MACROD2: variants seen among roughly 807,000 people sequenced by gnomAD.
The protein encoded by MACROD2 is mono-ADP ribosylhydrolase 2.
A neutral mutation model predicts 70.4 loss-of-function variants in MACROD2; 36 were observed. The ratio of observed to expected loss-of-function variants is 0.51; its 90% CI spans 0.39 to 0.68. The LOEUF is 0.68. Among genes scored for constraint, MACROD2 ranks in the 30% least tolerant of loss-of-function variants. The probability of loss-of-function intolerance (pLI) is 0.00; values close to 1 mark genes in which losing one functional copy is unlikely to be tolerated. For missense variants in MACROD2, 496 were observed against 538.4 expected (o/e 0.92, Z 0.78); for synonymous variants, 172 against 178.8 (o/e 0.96, Z 0.30).
In MACROD2 at chr20:14,749,892, G is replaced by A. The variant is rs971988414; in HGVS notation, c.418+64933G>A. 3.3e-5 allele frequency among the ~76,000 whole-genome samples: 5 copies of A among 152,044 alleles called. No homozygotes were observed. In the South Asian group the frequency reaches 1.0e-3, roughly 31 times the overall value. ...GTGATCAAATTCATGGAAACAGAAGGTAGAATGGTAATTACCAGGGGCTAG... is the reference window on the plus strand; with the variant it reads ...GTGATCAAATTCATGGAAACAGAAGATAGAATGGTAATTACCAGGGGCTAG... On this transcript the variant is annotated intron_variant, in intron 5 of 17. Transcript: ENST00000684519.
chr20:14,275,089 C>T (rs1281700382), intron 3 of MACROD2, among the ~76,000 whole-genome samples: 1 of 152,172 alleles, frequency 6.6e-6, no homozygotes, highest in Non-Finnish European at 1.5e-5. Flanking sequence ...CCATCCCCAT[C>T]AAGCTACCAA....
intron 8 of MACROD2, among the ~76,000 whole-genome samples, chr20:15,557,810 T>A (rs527706610): frequency 1.3e-5 from 2 of 152,300 alleles, no homozygotes; most frequent in East Asian, 3.9e-4. Flanking sequence ...TATTTGTTTG[T>A]CTTACTGAAC....
At chr20:14,380,411 T>A (rs994514613) in intron 3 of MACROD2, among the ~76,000 whole-genome samples, 16 of 152,112 alleles carry the variant, frequency 1.1e-4, no homozygotes, top group Admixed American at 1.0e-3. Context: ...AGTTTTTAAT[T>A]TTGATGATAT....
At chr20:15,857,667 C>A (rs546510550) in intron 8 of MACROD2, among the ~76,000 whole-genome samples, 5 of 152,274 alleles carry the variant, frequency 3.3e-5, no homozygotes, top group Admixed American at 6.5e-5. Context: ...TTCTCTGTGG[C>A]CAGCCCTAAC....
At chr20:14,485,508 T>C (rs376806910) in intron 3 of MACROD2, among the ~76,000 whole-genome samples, 144 of 152,142 alleles carry the variant, frequency 9.5e-4, no homozygotes, top group African/African-American at 2.4e-3. Flanking sequence ...AGGATCATCC[T>C]GGCTAACACG....
At chr20:16,021,050 T>C (rs1465366005) in intron 15 of MACROD2, among the ~76,000 whole-genome samples, 1 of 152,192 alleles carries the variant, frequency 6.6e-6, no homozygotes, top group Non-Finnish European at 1.5e-5. Context: ...ATCAGTCCCC[T>C]GTTCCTGTCA....
intron 3 of MACROD2, among the ~76,000 whole-genome samples, chr20:14,130,713 G>A (rs1422547193): frequency 6.6e-6 from 1 of 151,962 alleles, no homozygotes; most frequent in African/African-American, 2.4e-5. Context: ...GGGAAAAGAA[G>A]GCTTCACAGT....
chr20:14,846,250 GCA>G (rs2073138815), intron 5 of MACROD2, among the ~76,000 whole-genome samples: 1 of 151,716 alleles, frequency 6.6e-6, no homozygotes, highest in Non-Finnish European at 1.5e-5. Flanking sequence ...ACGGAGTCTC[GCA>G]CTGCACACTG....
chr20:15,125,886 T>A (rs2076062749), intron 5 of MACROD2, among the ~76,000 whole-genome samples: 1 of 145,832 alleles, frequency 6.9e-6, no homozygotes, highest in Non-Finnish European at 1.6e-5. Flanking sequence ...CTACTTTCTG[T>A]CTCTCTAAAT....
intron 8 of MACROD2, among the ~76,000 whole-genome samples, chr20:15,759,918 C>T (rs1050202343): frequency 4.6e-5 from 7 of 152,242 alleles, no homozygotes; most frequent in Admixed American, 3.9e-4. Context: ...TGCTTTAAAG[C>T]AAAGCTGCCT....
At chr20:14,704,243 G>T (rs1466728121) in intron 5 of MACROD2, among the ~76,000 whole-genome samples, 1 of 151,876 alleles carries the variant, frequency 6.6e-6, no homozygotes, top group South Asian at 2.1e-4. Context: ...AATCTTCATC[G>T]TCCCCCAAAC....
intron 5 of MACROD2, among the ~76,000 whole-genome samples, chr20:15,018,889 C>T (rs982940383): frequency 7.9e-5 from 12 of 152,212 alleles, no homozygotes; most frequent in African/African-American, 2.9e-4. Context: ...CACCATGTGA[C>T]ATGCCTGTTC....
At chr20:16,049,729 G>T in intron 17 of MACROD2, 101 bp from the exon 18 acceptor site, 4 of 1,177,152 alleles carry the variant, frequency 3.4e-6, no homozygotes, top group Non-Finnish European at 5.0e-6. Context: ...CTATGTGAGG[G>T]GTGAGAGACA....
At chr20:14,698,057 A>C (rs2071147168) in intron 5 of MACROD2, among the ~76,000 whole-genome samples, 1 of 152,150 alleles carries the variant, frequency 6.6e-6, no homozygotes, top group Non-Finnish European at 1.5e-5. Context: ...CTGTGCAAAA[A>C]CAGACAGGGA....
At chr20:14,237,162 A>G (rs2081882995) in intron 3 of MACROD2, among the ~76,000 whole-genome samples, 1 of 152,198 alleles carries the variant, frequency 6.6e-6, no homozygotes, top group Admixed American at 6.5e-5. Flanking sequence ...CCTCTATAAC[A>G]AGCTCTCATA....
At chr20:15,334,203 G>T (rs1446669694) in intron 6 of MACROD2, among the ~76,000 whole-genome samples, 3 of 151,612 alleles carry the variant, frequency 2.0e-5, no homozygotes, top group Admixed American at 6.6e-5. Context: ...GCTTTCTTGT[G>T]TGCAGGTCTT....
At chr20:14,534,635 T>G (rs2085343070) in intron 4 of MACROD2, among the ~76,000 whole-genome samples, 2 of 152,250 alleles carry the variant, frequency 1.3e-5, no homozygotes, top group Non-Finnish European at 2.9e-5. Context: ...AGCATCTACT[T>G]TGGATCAGAT....
intron 5 of MACROD2, among the ~76,000 whole-genome samples, chr20:14,746,908 G>A (rs1249162847): frequency 3.3e-5 from 5 of 152,092 alleles, no homozygotes; most frequent in African/African-American, 1.2e-4. Flanking sequence ...TCTCATTGCA[G>A]TCAGTCCCTC....
At chr20:14,768,004 T>C (rs1164495216) in intron 5 of MACROD2, among the ~76,000 whole-genome samples, 1 of 152,140 alleles carries the variant, frequency 6.6e-6, no homozygotes, top group Non-Finnish European at 1.5e-5. Flanking sequence ...TTCCATGGTG[T>C]ATATGTGCCA....
Sources: allele counts gnomAD v4.1 joint callset (sites outside exome capture counted in the v4.1 genomes callset), GRCh38; gene constraint gnomAD v4.1.1; transcripts MANE v1.5; gene names NCBI Gene and HGNC (gene_info 2026-07-23, HGNC 2026-07-21).